The following POU6F2 variants were observed in gnomAD, a reference collection of about 807,000 sequenced individuals.
The protein encoded by POU6F2 is POU domain, class 6, transcription factor 2.
POU6F2 carries 31 observed loss-of-function variants against 71.3 expected under a neutral mutation model. That is an observed-to-expected ratio of 0.43 (90% CI 0.33 to 0.59). The LOEUF is 0.59. Among genes scored for constraint, POU6F2 ranks in the 20% least tolerant of loss-of-function variants. POU6F2 has a pLI of 0.04. For missense variants in POU6F2, 783 were observed against 856.8 expected (o/e 0.91, Z 1.07); for synonymous variants, 347 against 355.7 (o/e 0.98, Z 0.27).
At chr7:39,260,452 TACCACACACATACAC>T (rs1247380330) in intron 4 of POU6F2, among the ~76,000 whole-genome samples, 2 of 144,682 alleles carry the variant, frequency 1.4e-5, no homozygotes, top group East Asian at 4.2e-4. Context: ...TACACATACA[TACCACACACATACAC>T]ACCATACCAC....
intron 2 of POU6F2, among the ~76,000 whole-genome samples, chr7:39,093,331 A>G (rs1443661691): frequency 6.6e-6 from 1 of 152,112 alleles, no homozygotes; most frequent in Admixed American, 6.6e-5. Context: ...ACAAAAGACC[A>G]TTTGAAAATG....
intron 4 of POU6F2, among the ~76,000 whole-genome samples, chr7:39,220,648 C>T (rs1287810930): frequency 6.6e-6 from 1 of 152,092 alleles, no homozygotes; most frequent in East Asian, 1.9e-4. Flanking sequence ...GTGAATCACA[C>T]TGACCAGATT....
chr7:39,012,790 G>C (rs1223254052), intron 1 of POU6F2, among the ~76,000 whole-genome samples: 56 of 150,834 alleles, frequency 3.7e-4, no homozygotes, highest in Middle Eastern at 3.5e-3. Flanking sequence ...TGCCGTGTGA[G>C]GTGTCAGTGT....
intron 5 of POU6F2, among the ~76,000 whole-genome samples, chr7:39,401,033 C>A (rs1787290568): frequency 1.3e-5 from 2 of 152,182 alleles, no homozygotes; most frequent in South Asian, 4.1e-4. Context: ...CCAGCTTCCA[C>A]CCAGGAAGAG....
intron 5 of POU6F2, among the ~76,000 whole-genome samples, chr7:39,343,226 A>C (rs541105351): frequency 6.6e-6 from 1 of 152,324 alleles, no homozygotes; most frequent in East Asian, 1.9e-4. Flanking sequence ...GACAAACAAG[A>C]TGCACTGTGA....
intron 2 of POU6F2, among the ~76,000 whole-genome samples, chr7:39,115,623 T>TA (rs1283030771): frequency 5.9e-5 from 9 of 152,198 alleles, no homozygotes; most frequent in Non-Finnish European, 1.0e-4. Flanking sequence ...ACTGACATAT[T>TA]ACTGAGAGCA....
At chr7:39,055,439 G>C (rs1227404599) in intron 1 of POU6F2, among the ~76,000 whole-genome samples, 1 of 152,086 alleles carries the variant, frequency 6.6e-6, no homozygotes, top group East Asian at 1.9e-4. Context: ...AGTCCTGTTT[G>C]CCTGAATACT....
chr7:39,053,297 A>C (rs1399756446), intron 1 of POU6F2, among the ~76,000 whole-genome samples: 3 of 152,274 alleles, frequency 2.0e-5, no homozygotes, highest in African/African-American at 7.2e-5. Context: ...CAGTGTATTC[A>C]CTGTCAAATT....
intron 1 of POU6F2, among the ~76,000 whole-genome samples, chr7:38,996,038 T>C (rs1205520089): frequency 1.1e-5 from 1 of 93,376 alleles, no homozygotes; most frequent in Admixed American, 9.9e-5. Context: ...GGCTTGGCTT[T>C]TTTTTTTTTT....
Position 39,030,543 on chromosome 7 carries a change from T to TATATATATATATATATATATGTATAC in POU6F2, c.105+52486_105+52487insTATATATATATATATATATGTATACA, listed in dbSNP as rs1491146903. On this transcript the variant is annotated intron_variant, in intron 1 of 9. Coordinates refer to ENST00000518318, the MANE Select transcript of POU6F2 (RefSeq NM_001370959.1). Reference sequence around the variant, plus strand: ...ATATATATATATATATATATATATATACACACACATACATATATTCCATTG... The same window carrying TATATATATATATATATATATGTATAC: ...ATATATATATATATATATATATATATATATATATATATATATATATGTATACACACACACATACATATATTCCATTG... Among the ~76,000 whole-genome samples, 13 of 88,012 alleles carry TATATATATATATATATATATGTATAC rather than the reference T, an allele frequency of 1.5e-4. 1 individual carries two copies. The highest frequency in any genetic ancestry group is 1.4e-3 in the East Asian group (2 of 1,432). The allele number at this position is 88,012 out of a possible 152,430, so 57.7% of individuals were successfully genotyped here.
intron 4 of POU6F2, among the ~76,000 whole-genome samples, chr7:39,327,199 A>G (rs1785522033): frequency 6.6e-6 from 1 of 151,730 alleles, no homozygotes; most frequent in African/African-American, 2.4e-5. Flanking sequence ...GAATGGCGTG[A>G]ACCCAGGAGG....
intron 4 of POU6F2, among the ~76,000 whole-genome samples, chr7:39,301,427 G>T (rs4377848): frequency 2.6e-5 from 4 of 152,090 alleles, no homozygotes; most frequent in African/African-American, 7.2e-5. Flanking sequence ...ATTGTAGCTC[G>T]TTGTCATCCA....
chr7:39,293,837 T>TGTGAG (rs1436454924), intron 4 of POU6F2, among the ~76,000 whole-genome samples: 2 of 152,128 alleles, frequency 1.3e-5, no homozygotes, highest in Non-Finnish European at 2.9e-5. Context: ...TCTACAACCC[T>TGTGAG]GTGAGGTGAG....
At chr7:39,091,509 A>T (rs1791363031) in intron 2 of POU6F2, among the ~76,000 whole-genome samples, 1 of 152,208 alleles carries the variant, frequency 6.6e-6, no homozygotes. Context: ...CCTAAAAACA[A>T]CAGGAAATAA....
intron 4 of POU6F2, among the ~76,000 whole-genome samples, chr7:39,279,926 T>C (rs1399242965): frequency 6.6e-6 from 1 of 152,120 alleles, no homozygotes; most frequent in African/African-American, 2.4e-5. Context: ...TTTTACATTT[T>C]TAGTGAAATG....
intron 8 of POU6F2, among the ~76,000 whole-genome samples, chr7:39,455,535 G>A (rs983242649): frequency 6.6e-6 from 1 of 152,084 alleles, no homozygotes; most frequent in Non-Finnish European, 1.5e-5. Flanking sequence ...AAAGCAGACA[G>A]CTATTTACAT....
chr7:39,051,936 A>G (rs62442180), intron 1 of POU6F2, among the ~76,000 whole-genome samples: 16,097 of 152,116 alleles, frequency 0.11, 945 homozygotes, highest in Middle Eastern at 0.16. Flanking sequence ...CGTGTAAAGT[A>G]ACTATACTTA....
chr7:39,461,600 A>G (rs1429239184), intron 9 of POU6F2, among the ~76,000 whole-genome samples: 1 of 152,128 alleles, frequency 6.6e-6, no homozygotes, highest in East Asian at 1.9e-4. Context: ...TGCTCTTTAT[A>G]CTTTTAATGT....
intron 1 of POU6F2, among the ~76,000 whole-genome samples, chr7:39,046,500 T>G (rs1268021371): frequency 6.6e-6 from 1 of 151,936 alleles, no homozygotes. Flanking sequence ...ACATTAAGAA[T>G]TCCTTATATA....
Sources: allele counts gnomAD v4.1 joint callset (sites outside exome capture counted in the v4.1 genomes callset), GRCh38; gene constraint gnomAD v4.1.1; transcripts MANE v1.5; gene names NCBI Gene and HGNC (gene_info 2026-07-23, HGNC 2026-07-21).